The following ANKRD29 variants were observed in gnomAD, a reference collection of about 807,000 sequenced individuals.
ANKRD29 encodes ankyrin repeat domain-containing protein 29.
ANKRD29 carries 32 observed loss-of-function variants against 38.0 expected under a neutral mutation model. The ratio of observed to expected loss-of-function variants is 0.84; its 90% CI spans 0.64 to 1.13. The LOEUF (loss-of-function observed/expected upper bound fraction) is 1.13. Among genes scored for constraint, ANKRD29 ranks in the 50% most tolerant of loss-of-function variants. The pLI, the probability that ANKRD29 is intolerant of heterozygous loss-of-function variation, is 0.00. For synonymous variants in ANKRD29, 135 were observed against 152.4 expected, an observed-to-expected ratio of 0.89 and a Z score of 0.84; for missense variants, 357 against 377.9, an observed-to-expected ratio of 0.94 and a Z score of 0.46.
chr18:23,622,255 G>T (rs531344981), intron 6 of ANKRD29, among the ~76,000 whole-genome samples: 1 of 152,148 alleles, frequency 6.6e-6, no homozygotes, highest in Non-Finnish European at 1.5e-5. Flanking sequence ...GACAGGCATG[G>T]CTCCTTCATG....
intron 8 of ANKRD29, among the ~76,000 whole-genome samples, chr18:23,612,966 CTAAT>C (rs2059662537): frequency 6.6e-6 from 1 of 151,622 alleles, no homozygotes; most frequent in African/African-American, 2.4e-5. Flanking sequence ...ACTTAGTTTC[CTAAT>C]TAGTTGCTCA....
chr18:23,642,925 C>A (rs991396252), intron 3 of ANKRD29, among the ~76,000 whole-genome samples: 18 of 152,190 alleles, frequency 1.2e-4, no homozygotes, highest in Non-Finnish European at 8.8e-5. Context: ...GCTGTACATG[C>A]CCTGACTAAA....
chr18:23,655,472 T>A (rs946551449), intron 1 of ANKRD29, among the ~76,000 whole-genome samples: 1 of 151,904 alleles, frequency 6.6e-6, no homozygotes, highest in African/African-American at 2.4e-5. Context: ...TGAGACGGAG[T>A]CTCACTCTGT....
chr18:23,633,257 A>G (rs1395354646), intron 5 of ANKRD29, among the ~76,000 whole-genome samples: 1 of 152,212 alleles, frequency 6.6e-6, no homozygotes, highest in Non-Finnish European at 1.5e-5. Flanking sequence ...TCACAGGTCA[A>G]TGGCATGTGT....
intron 2 of ANKRD29, 50 bp downstream of exon 2, chr18:23,649,033 C>A (rs772188558): frequency 1.3e-6 from 2 of 1,492,148 alleles, no homozygotes; most frequent in Non-Finnish European, 1.8e-6. Context: ...CTCCTGTGCC[C>A]ACAGAGGGCA....
intron 1 of ANKRD29, among the ~76,000 whole-genome samples, chr18:23,660,212 G>A (rs1209594365): frequency 2.0e-5 from 3 of 152,292 alleles, no homozygotes; most frequent in South Asian, 2.1e-4. Flanking sequence ...GCCAACATTC[G>A]TCATTGTCTT....
intron 1 of ANKRD29, among the ~76,000 whole-genome samples, chr18:23,661,801 GACA>G (rs1434163070): frequency 1.3e-5 from 2 of 152,142 alleles, no homozygotes; most frequent in African/African-American, 4.8e-5. Context: ...TTAAAAAGAT[GACA>G]ACATCTTCCA....
intron 6 of ANKRD29, among the ~76,000 whole-genome samples, chr18:23,629,337 C>T (rs2059900729): frequency 6.6e-6 from 1 of 152,256 alleles, no homozygotes; most frequent in Non-Finnish European, 1.5e-5. Flanking sequence ...TGTTAGCTTG[C>T]TGTTGGTAAA....
chr18:23,654,494 C>T (rs193096195), intron 1 of ANKRD29, among the ~76,000 whole-genome samples: 34 of 150,708 alleles, frequency 2.3e-4, no homozygotes, highest in African/African-American at 6.8e-4. Flanking sequence ...ACGGTCCACA[C>T]GTGTAATCCC....
chr18:23,601,542 T>C (rs1267526964), intron 9 of ANKRD29, among the ~76,000 whole-genome samples: 1 of 152,240 alleles, frequency 6.6e-6, no homozygotes, highest in South Asian at 2.1e-4. Context: ...TACTAGACTG[T>C]AATCTCTTAG....
chr18:23,652,963 T>A (rs2060228443), intron 1 of ANKRD29, among the ~76,000 whole-genome samples: 1 of 152,234 alleles, frequency 6.6e-6, no homozygotes, highest in Non-Finnish European at 1.5e-5. Flanking sequence ...AAGATTATGA[T>A]ACCATTTTTT....
intron 8 of ANKRD29, among the ~76,000 whole-genome samples, chr18:23,614,014 G>A (rs976596188): frequency 1.4e-4 from 21 of 152,156 alleles, no homozygotes; most frequent in Non-Finnish European, 4.4e-5. Context: ...TTACAAGCGT[G>A]AGCCAGTGTG....
At chr18:23,636,864 C>A (rs938938978) in intron 4 of ANKRD29, among the ~76,000 whole-genome samples, 4 of 152,170 alleles carry the variant, frequency 2.6e-5, no homozygotes, top group African/African-American at 9.7e-5. Flanking sequence ...CCATGCCCAG[C>A]CTCTTTTATT....
chr18:23,617,313 TTC>T (rs1196692910), intron 8 of ANKRD29, among the ~76,000 whole-genome samples: 2 of 152,182 alleles, frequency 1.3e-5, no homozygotes, highest in African/African-American at 4.8e-5. Context: ...CTGACATATT[TTC>T]TGAGGCTTCC....
In ANKRD29 at chr18:23,600,568, AGAT is replaced by A. The variant is rs1274264408; in HGVS notation, c.*655_*657del. The stretch of plus-strand genomic sequence containing the variant: ...AATTGATTTTTACATGTCAGGAATA[AGAT>A]GAGGATCAACGAACAAATGCACAGT... On this transcript the variant is annotated 3_prime_UTR_variant, in exon 10 of 10. Coordinates refer to ENST00000592179, the MANE Select transcript of ANKRD29 (RefSeq NM_173505.4). The A allele has an allele frequency of 1.3e-5, 2 of 152,676 alleles. No individual in the cohort carries two copies. The highest frequency in any genetic ancestry group is 2.9e-5 in the Non-Finnish European group (2 of 68,044). 9.5% of individuals were successfully genotyped at this position (152,676 alleles called of 1,614,324 possible). A position where few individuals can be genotyped will look rare whatever the true frequency, so the allele number is the denominator to read the frequency against.
At chr18:23,613,234 G>T (rs1599068752) in intron 8 of ANKRD29, among the ~76,000 whole-genome samples, 2 of 146,096 alleles carry the variant, frequency 1.4e-5, no homozygotes, top group African/African-American at 5.1e-5. Context: ...GTGCAATGGC[G>T]CAATCTCAGT....
chr18:23,611,512 C>A (rs1280304331), intron 9 of ANKRD29, among the ~76,000 whole-genome samples: 1 of 151,916 alleles, frequency 6.6e-6, no homozygotes, highest in Non-Finnish European at 1.5e-5. Context: ...GGTGAAACCC[C>A]GTCTCTACTA....
intron 8 of ANKRD29, among the ~76,000 whole-genome samples, chr18:23,614,305 G>A (rs777682761): frequency 3.3e-5 from 5 of 152,000 alleles, no homozygotes; most frequent in African/African-American, 4.8e-5. Context: ...CAGGTGATTC[G>A]CCCACCTTGG....
intron 7 of ANKRD29, chr18:23,619,288 C>T (rs909473959): frequency 2.1e-6 from 1 of 480,234 alleles, no homozygotes; most frequent in African/African-American, 2.0e-5. Context: ...GCGGGAGGCC[C>T]CGTCTCTACC....
Sources: gnomAD v4.1 joint callset for allele counts (sites outside exome capture counted in the v4.1 genomes callset) on GRCh38, gnomAD v4.1.1 for gene constraint, MANE v1.5 for transcripts, NCBI Gene and HGNC (gene_info 2026-07-23, HGNC 2026-07-21) for gene names.